PTPRD: variants seen among roughly 807,000 people sequenced by gnomAD.
PTPRD encodes receptor-type tyrosine-protein phosphatase delta.
Under a neutral mutation model 214.5 loss-of-function variants are expected in PTPRD, and 34 were observed. The ratio of observed to expected loss-of-function variants is 0.16; its 90% CI spans 0.12 to 0.21. The LOEUF (loss-of-function observed/expected upper bound fraction) is 0.21. Among genes scored for constraint, PTPRD ranks in the 10% least tolerant of loss-of-function variants. PTPRD has a pLI of 1.00. For missense variants in PTPRD, 2,545 were observed against 2,398.7 expected (o/e 1.06, Z -1.27); for synonymous variants, 1,128 against 845.7 (o/e 1.33, Z -5.79).
chr9:8,436,737 G>T (rs761214337), intron 34 of PTPRD, 48 bp from the exon 35 acceptor site: 3 of 1,422,104 alleles, frequency 2.1e-6, no homozygotes, highest in African/African-American at 2.8e-5. Context: ...AAATGAAAAT[G>T]ATGCTAACTA....
intron 3 of PTPRD, among the ~76,000 whole-genome samples, chr9:10,111,379 C>T (rs1271516476): frequency 6.7e-6 from 1 of 148,404 alleles, no homozygotes. Context: ...GCTGGGACTA[C>T]AGGCGCCCGC....
intron 2 of PTPRD, among the ~76,000 whole-genome samples, chr9:10,598,720 G>A (rs1424761591): frequency 6.9e-6 from 1 of 144,490 alleles, no homozygotes; most frequent in African/African-American, 2.5e-5. Context: ...TGGTGTGTGT[G>A]TGTGTGTGTG....
At chr9:9,072,092 T>TA (rs1230092610) in intron 10 of PTPRD, among the ~76,000 whole-genome samples, 8 of 152,096 alleles carry the variant, frequency 5.3e-5, no homozygotes, top group Non-Finnish European at 8.8e-5. Context: ...AGGATAATTT[T>TA]AAAAAATGTT....
chr9:9,538,214 T>C (rs149173481), intron 8 of PTPRD, among the ~76,000 whole-genome samples: 59 of 152,026 alleles, frequency 3.9e-4, no homozygotes, highest in Non-Finnish European at 7.4e-4. Flanking sequence ...AGTGAAAGAA[T>C]AGACTTTCTT....
At chr9:9,140,124 G>A (rs183620519) in intron 10 of PTPRD, among the ~76,000 whole-genome samples, 3 of 150,762 alleles carry the variant, frequency 2.0e-5, no homozygotes, top group African/African-American at 7.3e-5. Context: ...CTGGAATGAA[G>A]TTACTATTAG....
Position 8,957,684 on chromosome 9 carries a change from T to C in PTPRD, c.-104+61013A>G, listed in dbSNP as rs149155009. ...CATCTCATCTGCAGCTGAAAGCACCTGGCACAGTGTCTCACACATAGTAGG... is the reference window on the plus strand; with the variant it reads ...CATCTCATCTGCAGCTGAAAGCACCCGGCACAGTGTCTCACACATAGTAGG... On this transcript the variant is annotated intron_variant, in intron 11 of 45. Transcript: ENST00000381196. Among the ~76,000 whole-genome samples, 581 of 152,004 alleles carry C rather than the reference T, an allele frequency of 3.8e-3. 4 individuals are homozygous for C. The highest frequency in any genetic ancestry group is 0.013 in the African/African-American group (554 of 41,522).
intron 3 of PTPRD, among the ~76,000 whole-genome samples, chr9:10,144,915 C>A (rs1253890344): frequency 6.6e-6 from 1 of 151,906 alleles, no homozygotes; most frequent in African/African-American, 2.4e-5. Flanking sequence ...TAAACTACAG[C>A]ATTGTACTAT....
At chr9:8,364,608 C>A (rs564051598) in intron 39 of PTPRD, among the ~76,000 whole-genome samples, 1 of 151,956 alleles carries the variant, frequency 6.6e-6, no homozygotes, top group South Asian at 2.1e-4. Context: ...CAGGGCCTGC[C>A]AAGACAGCAT....
intron 8 of PTPRD, among the ~76,000 whole-genome samples, chr9:9,560,003 G>A (rs1424491546): frequency 3.9e-5 from 6 of 152,172 alleles, no homozygotes; most frequent in Admixed American, 2.6e-4. Flanking sequence ...ATGTGGCTCC[G>A]GTTGTCCGGT....
chr9:9,247,369 A>T (rs552128325), intron 9 of PTPRD, among the ~76,000 whole-genome samples: 1 of 147,146 alleles, frequency 6.8e-6, no homozygotes, highest in South Asian at 2.2e-4. Flanking sequence ...ATAAGCACAA[A>T]ATTAGACAGT....
intron 7 of PTPRD, among the ~76,000 whole-genome samples, chr9:9,646,658 T>C (rs944001583): frequency 1.3e-5 from 2 of 152,124 alleles, no homozygotes; most frequent in Non-Finnish European, 2.9e-5. Flanking sequence ...AAAATAGTAG[T>C]CCCTCTCTTA....
chr9:8,892,533 ATATATATGTGTG>A (rs1324889722), intron 11 of PTPRD, among the ~76,000 whole-genome samples: 53 of 150,766 alleles, frequency 3.5e-4, no homozygotes, highest in South Asian at 6.3e-4. Flanking sequence ...ATGTGTGTGT[ATATATATGTGTG>A]TATATATGTG....
chr9:9,722,388 A>T (rs2097969815), intron 7 of PTPRD, among the ~76,000 whole-genome samples: 3 of 152,044 alleles, frequency 2.0e-5, no homozygotes, highest in South Asian at 4.1e-4. Context: ...ATATTACAGC[A>T]CGTAACAGTA....
intron 8 of PTPRD, among the ~76,000 whole-genome samples, chr9:9,502,449 T>C (rs2096450133): frequency 6.6e-6 from 1 of 151,854 alleles, no homozygotes; most frequent in South Asian, 2.1e-4. Context: ...TTTCCTTCTG[T>C]TTTAAGGCTG....
At chr9:9,602,844 C>A (rs1727402801) in intron 7 of PTPRD, among the ~76,000 whole-genome samples, 1 of 152,024 alleles carries the variant, frequency 6.6e-6, no homozygotes, top group African/African-American at 2.4e-5. Context: ...ATTATCTATT[C>A]CCTCAAGCTA....
At chr9:9,926,163 A>G (rs1367125125) in intron 5 of PTPRD, among the ~76,000 whole-genome samples, 1 of 152,096 alleles carries the variant, frequency 6.6e-6, no homozygotes, top group Non-Finnish European at 1.5e-5. Context: ...TTGTACTTCT[A>G]AATTCTACCT....
At chr9:9,602,995 C>T (rs1031662524) in intron 7 of PTPRD, among the ~76,000 whole-genome samples, 1 of 151,426 alleles carries the variant, frequency 6.6e-6, no homozygotes, top group Non-Finnish European at 1.5e-5. Flanking sequence ...GGTTGTGTTA[C>T]AAAATACACT....
At chr9:9,846,129 G>A (rs1353332171) in intron 5 of PTPRD, among the ~76,000 whole-genome samples, 1 of 152,006 alleles carries the variant, frequency 6.6e-6, no homozygotes, top group East Asian at 1.9e-4. Flanking sequence ...ACGTTAAATA[G>A]GTAATATGCT....
chr9:10,466,623 C>CAAAAAAAAAAA (rs66705572), intron 2 of PTPRD, among the ~76,000 whole-genome samples: 6 of 76,874 alleles, frequency 7.8e-5, no homozygotes, highest in African/African-American at 2.3e-4. Context: ...AACTCCAACT[C>CAAAAAAAAAAA]AAAAAAAAAA....
Sources: allele counts gnomAD v4.1 joint callset (sites outside exome capture counted in the v4.1 genomes callset), GRCh38; gene constraint gnomAD v4.1.1; transcripts MANE v1.5; gene names NCBI Gene and HGNC (gene_info 2026-07-23, HGNC 2026-07-21).